Variants in HDDC2 observed in about 807,000 individuals in gnomAD.
HDDC2 encodes HD domain containing 2.
HDDC2 carries 25 observed loss-of-function variants against 25.5 expected under a neutral mutation model. The observed-to-expected ratio is 0.98, with a 90% CI of 0.72 to 1.37. The LOEUF is 1.37. Among genes scored for constraint, HDDC2 ranks in the 40% most tolerant of loss-of-function variants. The pLI is 0.00. For missense variants in HDDC2, 264 were observed against 253.1 expected, an observed-to-expected ratio of 1.04 and a Z score of -0.29; for synonymous variants, 106 against 89.7, an observed-to-expected ratio of 1.18 and a Z score of -1.03.
At chr6:125,288,597 T>C (rs540669485) in intron 4 of HDDC2, among the ~76,000 whole-genome samples, 22 of 152,086 alleles carry the variant, frequency 1.4e-4, no homozygotes, top group African/African-American at 5.1e-4. Context: ...AAAGGGCTAA[T>C]ATCCAGAATC....
At position 125,298,722 on chromosome 6, in the gene HDDC2, G is replaced by A. The variant is rs371056317; in HGVS notation, c.301C>T (p.Arg101Ter). ...DNIPKEEKHR[R>*]EEEAMKQITQ... ...CAATAGTCAACACTGACCTCTTCTC[G>A]CCTATGTTTTTCTTCTTTGGGGATG... The change falls in exon 3 of 6, where the codon CGA (arginine) becomes TGA (stop). Residue 101 changes from arginine to a stop codon, truncating the protein, a stop_gained. Transcript: ENST00000398153. LOFTEE classifies it high-confidence loss of function. 27 of 1,613,056 alleles carry A rather than the reference G, an allele frequency of 1.7e-5. No homozygotes were observed. Among genetic ancestry groups the A allele is most frequent in the Admixed American group, 3.3e-5 (2 of 59,998 alleles).
At chr6:125,300,403 T>C in intron 2 of HDDC2, 135 bp downstream of exon 2, 2 of 1,075,918 alleles carry the variant, frequency 1.9e-6, no homozygotes, top group Non-Finnish European at 2.6e-6. Flanking sequence ...CCTAAATTTG[T>C]ATGGTTTGCT....
intron 4 of HDDC2, among the ~76,000 whole-genome samples, chr6:125,281,079 C>T (rs1360959404): frequency 6.6e-6 from 1 of 152,164 alleles, no homozygotes; most frequent in African/African-American, 2.4e-5. Context: ...TGGAGTGGAC[C>T]CTCAGCAAAC....
At chr6:125,290,594 G>C (rs556294953) in intron 4 of HDDC2, among the ~76,000 whole-genome samples, 2 of 152,138 alleles carry the variant, frequency 1.3e-5, no homozygotes, top group Non-Finnish European at 2.9e-5. Context: ...GATGAGAGCG[G>C]ACCCTTATTC....
intron 1 of HDDC2, among the ~76,000 whole-genome samples, chr6:125,301,477 C>A (rs1332700935): frequency 8.1e-6 from 1 of 123,818 alleles, no homozygotes; most frequent in South Asian, 2.4e-4. Flanking sequence ...GTTCTGGGGT[C>A]GTGAGCACAC....
At chr6:125,291,433 T>C (rs543781908) in intron 4 of HDDC2, among the ~76,000 whole-genome samples, 1 of 152,290 alleles carries the variant, frequency 6.6e-6, no homozygotes, top group Admixed American at 6.5e-5. Context: ...GTACACTAAG[T>C]CATGCCTCTA....
At position 125,301,897 on chromosome 6, in the gene HDDC2, G is replaced by A. The variant is rs1798816291; in HGVS notation, c.36C>T (p.His12=). The A allele has an allele frequency of 1.9e-5, 30 of 1,552,024 alleles. No homozygotes were observed. Among genetic ancestry groups the A allele is most frequent in the Non-Finnish European group, 2.2e-5 (25 of 1,149,554 alleles). The change falls in exon 1 of 6, where the codon CAC becomes CAT. Residue 12 remains histidine (H), a synonymous_variant. Coordinates refer to ENST00000398153, the MANE Select transcript of HDDC2 (RefSeq NM_016063.3). ...GGAACTGCAGTAGGGACCGAGCCCC[G>A]TGGCCCGAGAAGGTCGCAGAGGAGA... is the stretch of plus-strand genomic sequence containing the variant. ...ASVSSATFSG[H]GARSLLQFLR...
At chr6:125,301,376 C>G (rs530377696) in intron 1 of HDDC2, among the ~76,000 whole-genome samples, 1 of 151,812 alleles carries the variant, frequency 6.6e-6, no homozygotes, top group East Asian at 1.9e-4. Context: ...ATAAAAAGCT[C>G]CACTTAAAAT....
At chr6:125,283,377 C>T (rs1188202094) in intron 4 of HDDC2, among the ~76,000 whole-genome samples, 2 of 152,154 alleles carry the variant, frequency 1.3e-5, no homozygotes, top group Non-Finnish European at 2.9e-5. Context: ...AGTCAAATTA[C>T]CTCTGTTTGC....
chr6:125,277,020 G>A (rs1206773772), intron 5 of HDDC2, 82 bp downstream of exon 5: 17 of 1,386,016 alleles, frequency 1.2e-5, no homozygotes, highest in Non-Finnish European at 1.6e-5. Flanking sequence ...TACCAACAGT[G>A]GGTTTCCCTA....
At position 125,276,145 on chromosome 6, in the gene HDDC2, C is replaced by G; in HGVS notation, c.*1G>C. 6.2e-7 allele frequency: 1 copy of G among 1,604,206 alleles called. No homozygotes were observed. The highest frequency in any genetic ancestry group is 8.5e-7 in the Non-Finnish European group (1 of 1,170,904). Reference sequence around the variant, plus strand: ...AGGAGTGCAGCAATTTAGAGAGTGTCTCAGGAGTGTGGCTCACTGGCAGCT... The same window carrying G: ...AGGAGTGCAGCAATTTAGAGAGTGTGTCAGGAGTGTGGCTCACTGGCAGCT... On this transcript the variant is annotated 3_prime_UTR_variant, in exon 6 of 6. Coordinates refer to ENST00000398153, the MANE Select transcript of HDDC2 (RefSeq NM_016063.3).
chr6:125,300,035 T>C (rs951342968), intron 2 of HDDC2, among the ~76,000 whole-genome samples: 1 of 152,238 alleles, frequency 6.6e-6, no homozygotes, highest in Non-Finnish European at 1.5e-5. Flanking sequence ...TGGGCCTGCG[T>C]AATTCACTTG....
At chr6:125,276,877 G>A in intron 5 of HDDC2, 1 of 534,604 alleles carries the variant, frequency 1.9e-6, no homozygotes, top group Admixed American at 3.4e-5. Flanking sequence ...GTCTTTTCTT[G>A]CCTGTGTCTG....
intron 2 of HDDC2, among the ~76,000 whole-genome samples, chr6:125,300,059 C>G (rs766054351): frequency 2.6e-5 from 4 of 152,216 alleles, no homozygotes; most frequent in Admixed American, 6.5e-5. Context: ...TTTATTTACT[C>G]TCTTACATGC....
At chr6:125,290,039 T>A (rs550631762) in intron 4 of HDDC2, among the ~76,000 whole-genome samples, 1 of 152,370 alleles carries the variant, frequency 6.6e-6, no homozygotes, top group Admixed American at 6.5e-5. Flanking sequence ...TGCAAATAGA[T>A]GTGATCCTCT....
chr6:125,286,413 T>C (rs9482637), intron 4 of HDDC2, among the ~76,000 whole-genome samples: 1 of 152,090 alleles, frequency 6.6e-6, no homozygotes, highest in Non-Finnish European at 1.5e-5. Flanking sequence ...GATGGTGGTA[T>C]ATACAACTGT....
At chr6:125,276,485 A>G in intron 5 of HDDC2, 3 of 489,152 alleles carry the variant, frequency 6.1e-6, no homozygotes, top group South Asian at 3.1e-5. Context: ...GGAATCATCA[A>G]TTAGGCAGAG....
In HDDC2 at chr6:125,277,377, AGAAATCCAT is replaced by A; in HGVS notation, c.379-146_379-138del. The stretch of plus-strand genomic sequence containing the variant: ...TATCGGCCCCATTTCTCTACTGTTT[AGAAATCCAT>A]CAGAGACACTTCTGTAATTTCACAG... On this transcript the variant is annotated intron_variant, in intron 4 of 5. Transcript: ENST00000398153. 5.3e-6 allele frequency: 4 copies of A among 758,076 alleles called. No individual in the cohort carries two copies. In the South Asian group the frequency reaches 7.4e-5, roughly 14 times the overall value. The allele number at this position is 758,076 out of a possible 1,614,324, so 47.0% of individuals were successfully genotyped here. A position where few individuals can be genotyped will look rare whatever the true frequency, so the allele number is the denominator to read the frequency against.
At chr6:125,301,824 G>A (rs1419878102) in intron 1 of HDDC2, 25 bp downstream of exon 1, 5 of 1,522,764 alleles carry the variant, frequency 3.3e-6, no homozygotes, top group Admixed American at 3.9e-5. Context: ...CTCGGCCGCG[G>A]CCTCCCGGCC....
Sources: gnomAD v4.1 joint callset for allele counts (sites outside exome capture counted in the v4.1 genomes callset) on GRCh38, gnomAD v4.1.1 for gene constraint, MANE v1.5 for transcripts, NCBI Gene and HGNC (gene_info 2026-07-23, HGNC 2026-07-21) for gene names.